The following PLEKHH3 variants were observed in gnomAD, a reference collection of about 807,000 sequenced individuals.
The protein encoded by PLEKHH3 is pleckstrin homology domain-containing family H member 3.
PLEKHH3 carries 57 observed loss-of-function variants against 77.8 expected under a neutral mutation model. That is an observed-to-expected ratio of 0.73 (90% CI 0.59 to 0.91). The LOEUF (loss-of-function observed/expected upper bound fraction) is 0.91. PLEKHH3 is among the 40% of genes least tolerant of loss of function. PLEKHH3 has a pLI of 0.00. For missense variants in PLEKHH3, 1,082 were observed against 1,091.2 expected, an observed-to-expected ratio of 0.99 and a Z score of 0.12; for synonymous variants, 467 against 504.8, an observed-to-expected ratio of 0.93 and a Z score of 1.00.
rs889696631 is a variant in PLEKHH3 at position 42,673,080 on chromosome 17, G to A, written c.769+96C>T. The A allele has an allele frequency of 3.4e-5, 48 of 1,408,120 alleles. No individual in the cohort carries two copies. In the African/African-American group the frequency reaches 6.4e-4, roughly 19 times the overall value. The allele number at this position is 1,408,120 out of a possible 1,614,324, so 87.2% of individuals were successfully genotyped here. A position where few individuals can be genotyped will look rare whatever the true frequency, so the allele number is the denominator to read the frequency against. ...AAAAGTGAGGAGCTGGCAGGTCCAT[G>A]AAGGATGCTTAGATCCCTGCCAGTT... On this transcript the variant is annotated intron_variant, in intron 6 of 12. Transcript: ENST00000591022.
In PLEKHH3 at chr17:42,672,359, A is replaced by T; in HGVS notation, c.803T>A (p.Val268Glu). The T allele has an allele frequency of 6.5e-7, 1 of 1,541,130 alleles. No homozygotes were observed. The highest frequency in any genetic ancestry group is 8.7e-7 in the Non-Finnish European group (1 of 1,144,714). The change falls in exon 7 of 13, where the codon GTG becomes GAG. Residue 268 changes from valine to glutamate, a missense_variant. Val to Glu is a moderately radical substitution (Grantham distance 121). This residue lies in a region of PLEKHH3 where 733 missense variants were observed against 750.0 expected (regional missense o/e 0.98). Coordinates refer to ENST00000591022, the MANE Select transcript of PLEKHH3 (RefSeq NM_024927.5). ...PGYAPLREEAVRLFLALQALE... is the reference protein window; with the variant it reads ...PGYAPLREEAERLFLALQALE... ...CGCCTGCAGCGCCAAGAACAGCCGC[A>T]CCGCCTCCTCGCGCAGGGGTGCATA...
Position 42,669,629 on chromosome 17 carries a change from CAGAG to C in PLEKHH3, c.2014-12_2014-9del, listed in dbSNP as rs755700699. On this transcript the variant is annotated splice_polypyrimidine_tract_variant and intron_variant, in intron 11 of 12. Transcript: ENST00000591022. ...AGCACCCCGACCAGGCTCCTGCAGACAGAGAGGCAGAGTCAGGGTGGAAGGAGGA... is the reference window on the plus strand; with the variant it reads ...AGCACCCCGACCAGGCTCCTGCAGACAGGCAGAGTCAGGGTGGAAGGAGGA... 1.9e-6 allele frequency: 3 copies of C among 1,595,680 alleles called. No individual in the cohort carries two copies. The highest frequency in any genetic ancestry group is 1.7e-5 in the Admixed American group (1 of 58,840).
At chr17:42,670,472 C>G (rs1014627382) in intron 10 of PLEKHH3, 96 bp from the exon 11 acceptor site, 1 of 1,517,654 alleles carries the variant, frequency 6.6e-7, no homozygotes, top group Non-Finnish European at 8.8e-7. Flanking sequence ...TCCAGTCAAG[C>G]CTCCCGCGGG....
chr17:42,675,588 C>T (rs1436028085), intron 1 of PLEKHH3, among the ~76,000 whole-genome samples: 1 of 152,200 alleles, frequency 6.6e-6, no homozygotes, highest in Non-Finnish European at 1.5e-5. Context: ...CAGCCCGCCC[C>T]ACCCGGGCAC....
In PLEKHH3 at chr17:42,676,019, G is replaced by C; in HGVS notation, c.162+383C>G. On this transcript the variant is annotated intron_variant, in intron 1 of 12. Coordinates refer to ENST00000591022, the MANE Select transcript of PLEKHH3 (RefSeq NM_024927.5). This position sits in a 1 kb window ranked among gnomAD's most constrained non-coding sequence, Gnocchi z 6.6. ...CCTCCGCACTTGCGAACTGGGAGCG[G>C]AGGGGGACCCAGGCGTTCGAGCCGC... The C allele has an allele frequency of 1.8e-6, 2 of 1,093,408 alleles. No individual in the cohort carries two copies. Among genetic ancestry groups the C allele is most frequent in the South Asian group, 2.9e-5 (1 of 34,616 alleles). 67.7% of individuals were successfully genotyped at this position (1,093,408 alleles called of 1,614,324 possible).
Position 42,676,499 on chromosome 17 carries a change from C to A in PLEKHH3, c.65G>T (p.Arg22Leu). The change falls in exon 1 of 13, where the codon CGG (arginine) becomes CTG (leucine). Residue 22 changes from arginine to leucine, a missense_variant. This residue lies in a region of PLEKHH3 where 344 missense variants were observed against 320.8 expected (regional missense o/e 1.07). Coordinates refer to ENST00000591022, the MANE Select transcript of PLEKHH3 (RefSeq NM_024927.5). This position sits in a 1 kb window ranked among gnomAD's most constrained non-coding sequence, Gnocchi z 6.6. ...GCTAAGCTCGCCGTCCCCGTAGTCC[C>A]GGTGCAGAAGAGTGAAGCCTCGACG... ...CCRRGFTLLH[R>L]DYGDGELSGD... 1 of 1,609,036 alleles carries A rather than the reference C, an allele frequency of 6.2e-7. No individual in the cohort carries two copies. Among genetic ancestry groups the A allele is most frequent in the East Asian group, 2.2e-5 (1 of 44,700 alleles).
At position 42,668,185 on chromosome 17, in the gene PLEKHH3, C is replaced by A; in HGVS notation, c.2324G>T (p.Arg775Leu). 1 of 1,547,674 alleles carries A rather than the reference C, an allele frequency of 6.5e-7. No homozygotes were observed. Among genetic ancestry groups the A allele is most frequent in the Non-Finnish European group, 8.7e-7 (1 of 1,153,708 alleles). ...TCCCTGGGGCTCGTCCAGGCCCGGG[C>A]GCTGGCTGGGAGGGGAGGTGTCTGG... ...DLPDTSPPSQ[R>L]PGLDEPQGQS... The change falls in exon 13 of 13, where the codon CGC (arginine) becomes CTC (leucine). Residue 775 changes from arginine to leucine, a missense_variant. By Grantham distance (102) the Arg-to-Leu change is moderately radical (BLOSUM62 -2). Transcript: ENST00000591022.
chr17:42,670,506 C>T, intron 10 of PLEKHH3, 67 bp downstream of exon 10: 1 of 1,551,670 alleles, frequency 6.4e-7, no homozygotes, highest in Non-Finnish European at 8.7e-7. Flanking sequence ...TGAAATGAGA[C>T]GGCCTAGAAA....
rs1247365923 is a variant in PLEKHH3, at chr17:42,673,721, C to T, written c.412G>A (p.Gly138Arg). 6.2e-7 allele frequency: 1 copy of T among 1,601,088 alleles called. No homozygotes were observed. The highest frequency in any genetic ancestry group is 8.5e-7 in the Non-Finnish European group (1 of 1,179,828). ...ACGAGGCTCCCGAGACGCCGCGCCCCTTTCCCGCTGCTGCTGAACTGATCC... is the reference window on the plus strand; with the variant it reads ...ACGAGGCTCCCGAGACGCCGCGCCCTTTTCCCGCTGCTGCTGAACTGATCC... Reference protein sequence around the residue: ...SLDQFSSSGKGARRLGSLVLT... With the variant: ...SLDQFSSSGKRARRLGSLVLT... The change falls in exon 4 of 13, where the codon GGG (glycine) becomes AGG (arginine). Residue 138 changes from glycine (G) to arginine (R), a missense_variant. Gly to Arg is a moderately radical substitution (Grantham distance 125, BLOSUM62 -2). Transcript: ENST00000591022.
chr17:42,670,256 G>C lies in PLEKHH3; in HGVS notation c.1675C>G (p.Leu559Val). 1.6e-6 allele frequency: 2 copies of C among 1,247,934 alleles called. No individual in the cohort carries two copies. Among genetic ancestry groups the C allele is most frequent in the Non-Finnish European group, 2.0e-6 (2 of 997,850 alleles). 77.3% of individuals were successfully genotyped at this position (1,247,934 alleles called of 1,614,324 possible). A position where few individuals can be genotyped will look rare whatever the true frequency, so the allele number is the denominator to read the frequency against. The change falls in exon 11 of 13, where the codon CTG (leucine) becomes GTG (valine). Residue 559 changes from leucine (L) to valine (V), a missense_variant. Physicochemically the swap from Leu to Val is conservative, Grantham distance 32. This residue lies in a region of PLEKHH3 where 733 missense variants were observed against 750.0 expected (regional missense o/e 0.98). Transcript: ENST00000591022. ...GCCGGGGGCGGGAGCAGGCGGTCCA[G>C]GCGGGGCAGGGGCACCCGCGGAGAG... ...DFSPRVPLPR[L>V]DRLLPPPAPP...
rs371793721 is a variant in PLEKHH3 at position 42,670,524 on chromosome 17, G to A, written c.1554+49C>T. 20 of 1,570,044 alleles carry A rather than the reference G, an allele frequency of 1.3e-5. No homozygotes were observed. The African/African-American group carries it at 2.6e-4, about 20-fold the overall frequency. On this transcript the variant is annotated intron_variant, in intron 10 of 12. Transcript: ENST00000591022. ...AATGAGACGGCCTAGAAAACCAGGG[G>A]TTCAGGCTTGGGGGTCTGTTTGGAG...
Position 42,670,152 on chromosome 17 carries a change from G to T in PLEKHH3, c.1779C>A (p.Ser593Arg). 4.1e-6 allele frequency: 5 copies of T among 1,228,180 alleles called. No individual in the cohort carries two copies. The highest frequency in any genetic ancestry group is 5.1e-6 in the Non-Finnish European group (5 of 988,582). 76.1% of individuals were successfully genotyped at this position (1,228,180 alleles called of 1,614,324 possible). A position where few individuals can be genotyped will look rare whatever the true frequency, so the allele number is the denominator to read the frequency against. The part of the protein sequence containing the change: ...SAALLAGALW[S>R]PGLAKRRAER... Reference sequence around the variant, plus strand: ...CCGCCCGCCTCTTGGCCAGGCCCGGGCTCCAGAGCGCCCCGGCCAGCAGGG... The same window carrying T: ...CCGCCCGCCTCTTGGCCAGGCCCGGTCTCCAGAGCGCCCCGGCCAGCAGGG... Residue 593 changes from serine to arginine, a missense_variant, in exon 11 of 13, where the codon AGC (serine) becomes AGA (arginine). By Grantham distance (110) the Ser-to-Arg change is moderately radical (BLOSUM62 -1). Transcript: ENST00000591022.
intron 12 of PLEKHH3, chr17:42,669,135 A>C: frequency 3.6e-6 from 1 of 277,588 alleles, no homozygotes; most frequent in Non-Finnish European, 6.7e-6. Context: ...TCTACCTGGA[A>C]TGCTGTTCTC....
Position 42,676,885 on chromosome 17 carries a change from A to G in PLEKHH3, c.-322T>C. On this transcript the variant is annotated 5_prime_UTR_variant, in exon 1 of 13. Coordinates refer to ENST00000591022, the MANE Select transcript of PLEKHH3 (RefSeq NM_024927.5). The surrounding 1 kb of genome is among the most constrained non-coding windows in gnomAD (Gnocchi z 6.6). ...CCCTGTGGGGGGCAGTGTCCGGTGC[A>G]GCGTCCGAGGTGGGCAGTTGTCCAA... 1 of 338,396 alleles carries G rather than the reference A, an allele frequency of 3.0e-6. No individual in the cohort carries two copies. The highest frequency in any genetic ancestry group is 5.5e-6 in the Non-Finnish European group (1 of 182,446). The allele number at this position is 338,396 out of a possible 1,614,324, so 21.0% of individuals were successfully genotyped here. A position where few individuals can be genotyped will look rare whatever the true frequency, so the allele number is the denominator to read the frequency against.
Position 42,668,003 on chromosome 17 carries a change from T to C in PLEKHH3, c.*124A>G. 2.8e-6 allele frequency: 2 copies of C among 710,170 alleles called. No individual in the cohort carries two copies. Among genetic ancestry groups the C allele is most frequent in the South Asian group, 7.3e-5 (1 of 13,776 alleles). The allele number at this position is 710,170 out of a possible 1,614,324, so 44.0% of individuals were successfully genotyped here. On this transcript the variant is annotated 3_prime_UTR_variant, in exon 13 of 13. Coordinates refer to ENST00000591022, the MANE Select transcript of PLEKHH3 (RefSeq NM_024927.5). ...ACTAGAAAATTACCCACACCCATTG[T>C]AGCCCTTGGGTGTGGGATGTGCCCT...
chr17:42,669,516 C>G lies in PLEKHH3; in HGVS notation c.2119G>C (p.Gly707Arg), dbSNP rs749898190. ...ATTAGCTGGCAGGCGGCCACATGGC[C>G]ATAGCTGACACTGTGGATGGGCTCC... is the stretch of plus-strand genomic sequence containing the variant. ...ETEPIHSVSY[G>R]HVAACQLMGP... Residue 707 changes from glycine (G) to arginine (R), a missense_variant, in exon 12 of 13, where the codon GGC becomes CGC. Gly to Arg is a moderately radical substitution (Grantham distance 125). Coordinates refer to ENST00000591022, the MANE Select transcript of PLEKHH3 (RefSeq NM_024927.5). 5 of 1,610,554 alleles carry G rather than the reference C, an allele frequency of 3.1e-6. No individual in the cohort carries two copies. In the Admixed American group the frequency reaches 8.4e-5, roughly 27 times the overall value.
In PLEKHH3 at chr17:42,671,343, G is replaced by A. The variant is rs2052695940; in HGVS notation, c.1284+8C>T. ...GTTGGAGGTCATGGGGCCTTTCTCT[G>A]GCCTCACCTCCCCCGCCGTGGTGTG... On this transcript the variant is annotated splice_region_variant and intron_variant, in intron 8 of 12. Transcript: ENST00000591022. This position sits in a 1 kb window ranked among gnomAD's most constrained non-coding sequence, Gnocchi z 4.7. 2 of 1,611,378 alleles carry A rather than the reference G, an allele frequency of 1.2e-6. No individual in the cohort carries two copies. The highest frequency in any genetic ancestry group is 1.3e-5 in the African/African-American group (1 of 74,984).
chr17:42,668,345 G>A, intron 12 of PLEKHH3, 42 bp from the exon 13 acceptor site: 1 of 1,459,292 alleles, frequency 6.9e-7, no homozygotes, highest in Non-Finnish European at 9.0e-7. Flanking sequence ...GGGCTGCCAG[G>A]TTCTCTTCTT....
In PLEKHH3 at chr17:42,676,089, G is replaced by T; in HGVS notation, c.162+313C>A. The T allele has an allele frequency of 1.6e-6, 2 of 1,226,676 alleles. No individual in the cohort carries two copies. The highest frequency in any genetic ancestry group is 8.6e-5 in the East Asian group (2 of 23,390). 76.0% of individuals were successfully genotyped at this position (1,226,676 alleles called of 1,614,324 possible). On this transcript the variant is annotated intron_variant, in intron 1 of 12. Coordinates refer to ENST00000591022, the MANE Select transcript of PLEKHH3 (RefSeq NM_024927.5). The surrounding 1 kb of genome is among the most constrained non-coding windows in gnomAD (Gnocchi z 6.6). Reference sequence around the variant, plus strand: ...TCCTCGGCGCTGGCGGAGGCGGAAGGAGACGGGATGGGACGCGGGCCCAGC... The same window carrying T: ...TCCTCGGCGCTGGCGGAGGCGGAAGTAGACGGGATGGGACGCGGGCCCAGC...
Sources: allele counts gnomAD v4.1 joint callset (sites outside exome capture counted in the v4.1 genomes callset), GRCh38; gene constraint gnomAD v4.1.1; regional missense constraint gnomAD v4.1.1; non-coding constraint Gnocchi (gnomAD v3.1); transcripts MANE v1.5; gene names NCBI Gene and HGNC (gene_info 2026-07-23, HGNC 2026-07-21).